The following SNTG1 variants were observed in gnomAD, a reference collection of about 807,000 sequenced individuals.
The protein encoded by SNTG1 is syntrophin gamma 1.
In SNTG1, 39 loss-of-function variants were observed where a neutral mutation model predicts 74.7. The ratio of observed to expected loss-of-function variants is 0.52; its 90% confidence interval spans 0.40 to 0.68. The LOEUF (loss-of-function observed/expected upper bound fraction) is 0.68. SNTG1 is among the 30% of genes least tolerant of loss of function. The pLI is 0.00. For synonymous variants in SNTG1, 254 were observed against 217.1 expected (o/e 1.17, Z -1.49); for missense variants, 685 against 609.5 (o/e 1.12, Z -1.30).
chr8:50,463,855 C>A (rs2093587782), intron 8 of SNTG1, among the ~76,000 whole-genome samples: 1 of 152,198 alleles, frequency 6.6e-6, no homozygotes. Context: ...AGGCATCCAG[C>A]AGAAGGCTAT....
At chr8:50,075,089 G>A (rs1043442105) in intron 1 of SNTG1, among the ~76,000 whole-genome samples, 12 of 152,178 alleles carry the variant, frequency 7.9e-5, no homozygotes, top group South Asian at 2.1e-4. Context: ...GGCCTCAGCC[G>A]CCTCCCTGAA....
chr8:50,448,763 G>A lies in SNTG1; in HGVS notation c.220-905G>A, dbSNP rs962855243. On this transcript the variant is annotated intron_variant, in intron 5 of 18. Coordinates refer to ENST00000642720, the MANE Select transcript of SNTG1 (RefSeq NM_018967.5). ...AATAGTACTACTGCAGGCCGGGTGC[G>A]GTGACTCACCCCTGTAATCCCAGCA... Among the ~76,000 whole-genome samples the A allele has an allele frequency of 3.0e-4, 46 of 152,030 alleles. 1 individual carries two copies. The highest frequency in any genetic ancestry group is 1.0e-3 in the African/African-American group (42 of 41,434).
At chr8:50,585,998 T>C (rs142876021) in intron 12 of SNTG1, among the ~76,000 whole-genome samples, 1 of 152,180 alleles carries the variant, frequency 6.6e-6, no homozygotes, top group Non-Finnish European at 1.5e-5. Context: ...GTGCCACTTA[T>C]GAGAAAGCAT....
chr8:50,440,695 T>A (rs1378207163), intron 5 of SNTG1, among the ~76,000 whole-genome samples: 1 of 152,160 alleles, frequency 6.6e-6, no homozygotes, highest in African/African-American at 2.4e-5. Flanking sequence ...TAAGTAATCC[T>A]CAGCGGCACA....
chr8:50,519,233 G>A (rs557811619), intron 9 of SNTG1, among the ~76,000 whole-genome samples: 3 of 152,198 alleles, frequency 2.0e-5, no homozygotes, highest in South Asian at 2.1e-4. Context: ...ATGCAGAAAA[G>A]GCCTTCAATA....
At chr8:49,916,206 CA>C (rs1392219073) in intron 1 of SNTG1, among the ~76,000 whole-genome samples, 2 of 150,126 alleles carry the variant, frequency 1.3e-5, no homozygotes, top group Non-Finnish European at 3.0e-5. Flanking sequence ...CACACACACA[CA>C]CAAAAACCCA....
chr8:50,364,415 C>T (rs951469422), intron 2 of SNTG1, among the ~76,000 whole-genome samples: 8 of 152,118 alleles, frequency 5.3e-5, no homozygotes, highest in African/African-American at 9.7e-5. Context: ...TCTATGACAT[C>T]GTAATTTCAC....
At chr8:50,348,178 T>C (rs1288068964) in intron 2 of SNTG1, among the ~76,000 whole-genome samples, 2 of 152,204 alleles carry the variant, frequency 1.3e-5, no homozygotes, top group African/African-American at 4.8e-5. Flanking sequence ...TCTAAGTATT[T>C]GCATTTCCAA....
chr8:50,305,639 T>C (rs983732026), intron 2 of SNTG1, among the ~76,000 whole-genome samples: 2 of 152,008 alleles, frequency 1.3e-5, no homozygotes, highest in African/African-American at 4.8e-5. Flanking sequence ...AATTTCACTA[T>C]ATATGTGTTA....
At chr8:50,777,629 G>A (rs1430752507) in intron 18 of SNTG1, among the ~76,000 whole-genome samples, 1 of 144,224 alleles carries the variant, frequency 6.9e-6, no homozygotes. Context: ...CTCACTGTTG[G>A]CATCTTTTGA....
chr8:50,328,382 T>C (rs533734044), intron 2 of SNTG1, among the ~76,000 whole-genome samples: 30 of 152,316 alleles, frequency 2.0e-4, no homozygotes, highest in African/African-American at 7.0e-4. Flanking sequence ...TAGTTTTTTT[T>C]GATGCTGCTG....
At chr8:49,977,738 AT>A (rs1189058449) in intron 1 of SNTG1, among the ~76,000 whole-genome samples, 1 of 152,208 alleles carries the variant, frequency 6.6e-6, no homozygotes, top group African/African-American at 2.4e-5. Context: ...TCTTACATTC[AT>A]TCCTCTTTTC....
At chr8:50,323,426 T>C (rs1010001095) in intron 2 of SNTG1, among the ~76,000 whole-genome samples, 2 of 152,190 alleles carry the variant, frequency 1.3e-5, no homozygotes, top group African/African-American at 4.8e-5. Context: ...TGTCTGGGCA[T>C]TAAAGAATTA....
rs563475974 is a variant in SNTG1 at position 50,259,523 on chromosome 8, A to G, written c.-28+86888A>G. Among the ~76,000 whole-genome samples the G allele has an allele frequency of 1.7e-4, 2 of 11,890 alleles. 1 individual carries two copies. Among genetic ancestry groups the G allele is most frequent in the African/African-American group, 2.2e-4 (2 of 9,112 alleles). The allele number at this position is 11,890 out of a possible 152,430, so 7.8% of individuals were successfully genotyped here. On this transcript the variant is annotated intron_variant, in intron 2 of 18. Coordinates refer to ENST00000642720, the MANE Select transcript of SNTG1 (RefSeq NM_018967.5). ...CAAAAAAAAAAAAAGAAAGAAAGAAAGAAAGAAAGAAAGAAAGAAAGAAAG... is the reference window on the plus strand; with the variant it reads ...CAAAAAAAAAAAAAGAAAGAAAGAAGGAAAGAAAGAAAGAAAGAAAGAAAG...
chr8:50,333,879 T>C (rs2091051573), intron 2 of SNTG1, among the ~76,000 whole-genome samples: 1 of 152,232 alleles, frequency 6.6e-6, no homozygotes, highest in African/African-American at 2.4e-5. Context: ...TGAAATCAAA[T>C]TGAGCTCTCA....
intron 1 of SNTG1, among the ~76,000 whole-genome samples, chr8:49,935,355 T>A (rs535274698): frequency 2.0e-4 from 30 of 149,978 alleles, no homozygotes; most frequent in Non-Finnish European, 3.5e-4. Flanking sequence ...ATTCCCATAC[T>A]ATTTCACTCA....
chr8:50,259,517 A>AAAGAAAG lies in SNTG1; in HGVS notation c.-28+86885_-28+86891dup, dbSNP rs2087062860. Among the ~76,000 whole-genome samples, 2 of 7,678 alleles carry AAAGAAAG rather than the reference A, an allele frequency of 2.6e-4. 1 individual carries two copies. The highest frequency in any genetic ancestry group is 3.1e-4 in the African/African-American group (2 of 6,362). 5.0% of individuals were successfully genotyped at this position (7,678 alleles called of 152,430 possible). Reference sequence around the variant, plus strand: ...CTGTCTCAAAAAAAAAAAAAGAAAGAAAGAAAGAAAGAAAGAAAGAAAGAA... The same window carrying AAAGAAAG: ...CTGTCTCAAAAAAAAAAAAAGAAAGAAAGAAAGAAGAAAGAAAGAAAGAAAGAAAGAA... On this transcript the variant is annotated intron_variant, in intron 2 of 18. Coordinates refer to ENST00000642720, the MANE Select transcript of SNTG1 (RefSeq NM_018967.5).
intron 15 of SNTG1, among the ~76,000 whole-genome samples, chr8:50,674,111 A>G (rs896163383): frequency 6.6e-6 from 1 of 152,122 alleles, no homozygotes; most frequent in African/African-American, 2.4e-5. Context: ...ATCAATATTC[A>G]TCAGGGATAT....
intron 2 of SNTG1, among the ~76,000 whole-genome samples, chr8:50,322,623 A>G (rs1265654967): frequency 2.0e-5 from 3 of 151,980 alleles, no homozygotes; most frequent in Non-Finnish European, 2.9e-5. Flanking sequence ...TAATTGTTCT[A>G]TTCCTATCTC....
Sources: gnomAD v4.1 joint callset for allele counts (sites outside exome capture counted in the v4.1 genomes callset) on GRCh38, gnomAD v4.1.1 for gene constraint, MANE v1.5 for transcripts, NCBI Gene and HGNC (gene_info 2026-07-23, HGNC 2026-07-21) for gene names.